The following ANAPC11 variants were observed in gnomAD, a reference collection of about 807,000 sequenced individuals.
The protein encoded by ANAPC11 is anaphase-promoting complex subunit 11.
In ANAPC11, 5 loss-of-function variants were observed where a neutral mutation model predicts 11.8. The ratio of observed to expected loss-of-function variants is 0.42; its 90% CI spans 0.22 to 0.89. ANAPC11 has a LOEUF of 0.89. ANAPC11 is among the 40% of genes least tolerant of loss of function. The pLI, the probability that ANAPC11 is intolerant of heterozygous loss-of-function variation, is 0.28. For synonymous variants in ANAPC11, 45 were observed against 41.0 expected (o/e 1.10, Z -0.38); for missense variants, 68 against 112.9 (o/e 0.60, Z 1.80).
chr17:81,891,847 T>C lies in ANAPC11; in HGVS notation c.-75+6T>C. On this transcript the variant is annotated splice_donor_region_variant and intron_variant, in intron 1 of 3. Coordinates refer to ENST00000344877, the MANE Select transcript of ANAPC11 (RefSeq NM_001002248.3). ...ACGGAAGGGCGGGTAGGGCGGTGCG[T>C]GATTAGGTTGGCGAAGGTGCGAGGG... is the stretch of plus-strand genomic sequence containing the variant. The C allele has an allele frequency of 4.9e-6, 1 of 202,952 alleles. No homozygotes were observed. Among genetic ancestry groups the C allele is most frequent in the Non-Finnish European group, 1.0e-5 (1 of 99,784 alleles). The allele number at this position is 202,952 out of a possible 1,614,324, so 12.6% of individuals were successfully genotyped here.
intron 1 of ANAPC11, among the ~76,000 whole-genome samples, chr17:81,892,542 T>TTTTTTTTTTTTTTTTTGA (rs1891192296): frequency 2.9e-5 from 4 of 138,692 alleles, no homozygotes; most frequent in African/African-American, 1.1e-4. Context: ...TTTTTTTTTT[T>TTTTTTTTTTTTTTTTTGA]GAGGCAGTCT....
Position 81,900,059 on chromosome 17 carries a change from G to A in ANAPC11, c.249G>A (p.Lys83=), listed in dbSNP as rs1233467390. The A allele has an allele frequency of 6.2e-7, 1 of 1,612,524 alleles. No individual in the cohort carries two copies. Among genetic ancestry groups the A allele is most frequent in the African/African-American group, 1.3e-5 (1 of 74,940 alleles). The change falls in exon 4 of 4, where the codon AAG becomes AAA. Residue 83 remains lysine (K), a synonymous_variant. Transcript: ENST00000344877. ...CPMCRQEWKF[K]E Reference sequence around the variant, plus strand: ...TGTGCCGCCAGGAATGGAAGTTCAAGGAGTGAGGCCCGACCTGGCTCTCGC... The same window carrying A: ...TGTGCCGCCAGGAATGGAAGTTCAAAGAGTGAGGCCCGACCTGGCTCTCGC...
rs570570247 is a variant in ANAPC11 at position 81,897,718 on chromosome 17, A to C, written c.110-2202A>C. 3.9e-5 allele frequency among the ~76,000 whole-genome samples: 6 copies of C among 152,238 alleles called. No individual in the cohort carries two copies. The East Asian group carries it at 1.2e-3, about 29-fold the overall frequency. ...AGGCTAGTCTTGAACTCCTGGGCTC[A>C]AGGGATCTGCCTGCCTTGGCATACC... On this transcript the variant is annotated intron_variant, in intron 3 of 3. Coordinates refer to ENST00000344877, the MANE Select transcript of ANAPC11 (RefSeq NM_001002248.3).
At chr17:81,899,026 G>A (rs1474404219) in intron 3 of ANAPC11, 1 of 600,520 alleles carries the variant, frequency 1.7e-6, no homozygotes, top group East Asian at 2.8e-5. Context: ...CCCAGGGCTG[G>A]GAGTGGGCAT....
chr17:81,892,637 G>A (rs529713522), intron 1 of ANAPC11, among the ~76,000 whole-genome samples: 2 of 142,416 alleles, frequency 1.4e-5, no homozygotes, highest in Non-Finnish European at 3.0e-5. Flanking sequence ...AGTCTCCAGC[G>A]GCAGCCTCCC....
chr17:81,899,276 G>A, intron 3 of ANAPC11: 1 of 1,612,516 alleles, frequency 6.2e-7, no homozygotes, highest in South Asian at 1.1e-5. Flanking sequence ...CTAGGTGTTT[G>A]GGCTGGTGCC....
At chr17:81,898,998 C>T (rs1045891284) in intron 3 of ANAPC11, 2 of 582,776 alleles carry the variant, frequency 3.4e-6, no homozygotes, top group African/African-American at 1.9e-5. Context: ...AGGCCAGAAA[C>T]CCCCACGGGC....
At chr17:81,893,964 C>T (rs1279276978) in intron 2 of ANAPC11, among the ~76,000 whole-genome samples, 1 of 151,706 alleles carries the variant, frequency 6.6e-6, no homozygotes, top group Non-Finnish European at 1.5e-5. Flanking sequence ...GAGCCCTTTA[C>T]TTGTTATTTG....
chr17:81,891,365 C>T, upstream of ANAPC11: 2 of 1,151,664 alleles, frequency 1.7e-6, no homozygotes, highest in South Asian at 2.9e-5. Context: ...CTCCGCCGGC[C>T]GCGCCGCGGG....
intron 2 of ANAPC11, 100 bp from the exon 3 acceptor site, chr17:81,894,367 G>A (rs1026331912): frequency 3.6e-6 from 2 of 562,876 alleles, no homozygotes; most frequent in African/African-American, 3.8e-5. Context: ...CCCCTGAGTA[G>A]CTGGGACTGC....
chr17:81,890,940 C>T, upstream of ANAPC11: 1 of 1,453,782 alleles, frequency 6.9e-7, no homozygotes, highest in Non-Finnish European at 9.3e-7. Context: ...CGAAACGGGG[C>T]CGCCAGCGCT....
chr17:81,890,835 G>A (rs776730963), upstream of ANAPC11: 2 of 1,613,816 alleles, frequency 1.2e-6, no homozygotes, highest in South Asian at 1.1e-5. Context: ...AAAAAAAACC[G>A]CAACAAGAGC....
chr17:81,892,875 T>A (rs1169615114), intron 1 of ANAPC11, among the ~76,000 whole-genome samples: 1 of 152,074 alleles, frequency 6.6e-6, no homozygotes, highest in African/African-American at 2.4e-5. Flanking sequence ...TTTTGTTTTT[T>A]GAGTCAGGGT....
upstream of ANAPC11, chr17:81,891,301 C>T (rs2039524244): frequency 8.9e-7 from 1 of 1,129,874 alleles, no homozygotes. Context: ...CACTCTCCGG[C>T]GCGGCCGGCC....
downstream of ANAPC11, chr17:81,900,343 C>T (rs563706993): frequency 3.0e-5 from 15 of 499,382 alleles, no homozygotes; most frequent in East Asian, 1.2e-4. Flanking sequence ...TAAACATCTC[C>T]GTGAAACGCC....
chr17:81,891,259 G>A (rs1264022193), upstream of ANAPC11: 34 of 1,067,014 alleles, frequency 3.2e-5, no homozygotes, highest in Non-Finnish European at 3.9e-5. Flanking sequence ...CGCCGCGAGC[G>A]GCCCCGGCCC....
chr17:81,899,868 C>G, intron 3 of ANAPC11, 52 bp from the exon 4 acceptor site: 1 of 1,558,738 alleles, frequency 6.4e-7, no homozygotes, highest in Non-Finnish European at 8.7e-7. Flanking sequence ...TTGTCACATG[C>G]TCTGTGTCCA....
Position 81,900,213 on chromosome 17 carries a change from T to C in ANAPC11, c.*148T>C. On this transcript the variant is annotated 3_prime_UTR_variant, in exon 4 of 4. Transcript: ENST00000344877. ...TGTTTTGCCATCACTATGTTGACAC[T>C]TTTATCCAATAAGTGAAAACTCATT... 2 of 1,270,680 alleles carry C rather than the reference T, an allele frequency of 1.6e-6. No individual in the cohort carries two copies. The highest frequency in any genetic ancestry group is 2.2e-6 in the Non-Finnish European group (2 of 925,002). The allele number at this position is 1,270,680 out of a possible 1,614,324, so 78.7% of individuals were successfully genotyped here. A position where few individuals can be genotyped will look rare whatever the true frequency, so the allele number is the denominator to read the frequency against.
intron 3 of ANAPC11, 56 bp from the exon 4 acceptor site, chr17:81,899,864 C>G (rs764828976): frequency 1.0e-5 from 16 of 1,553,482 alleles, no homozygotes; most frequent in Non-Finnish European, 1.4e-5. Flanking sequence ...TGGCTTGTCA[C>G]ATGCTCTGTG....
Sources: gnomAD v4.1 joint callset for allele counts (sites outside exome capture counted in the v4.1 genomes callset) on GRCh38, gnomAD v4.1.1 for gene constraint, MANE v1.5 for transcripts, NCBI Gene and HGNC (gene_info 2026-07-23, HGNC 2026-07-21) for gene names.